MRPS25: variants seen among roughly 807,000 people sequenced by gnomAD.
MRPS25 encodes the protein mitochondrial ribosomal protein S25.
A neutral mutation model predicts 17.3 loss-of-function variants in MRPS25; 15 were observed. The ratio of observed to expected loss-of-function variants is 0.87; its 90% CI spans 0.58 to 1.34. The LOEUF (loss-of-function observed/expected upper bound fraction) is 1.34, where lower values mean the gene tolerates loss of function less well. Ranked by LOEUF, MRPS25 falls within the 40% of genes most tolerant of loss-of-function variation. The pLI, the probability that MRPS25 is intolerant of heterozygous loss-of-function variation, is 0.00. For missense variants in MRPS25, 225 were observed against 218.6 expected (o/e 1.03, Z -0.19); for synonymous variants, 94 against 83.3 (o/e 1.13, Z -0.70).
rs140429777 is a variant in MRPS25 at position 15,051,285 on chromosome 3, G to A, written c.*1156C>T. The A allele has an allele frequency of 5.9e-4, 436 of 734,152 alleles. 1 individual carries two copies. The African/African-American group carries it at 7.4e-3, about 12-fold the overall frequency. 45.5% of individuals were successfully genotyped at this position (734,152 alleles called of 1,614,324 possible). ...ACTGCAGCCTTGATCTCGCAGGCTC[G>A]AGATCCTCCCACCTCAGCTTCCCAA... On this transcript the variant is annotated 3_prime_UTR_variant, in exon 4 of 4. Coordinates refer to ENST00000253686, the MANE Select transcript of MRPS25 (RefSeq NM_022497.5).
intron 2 of MRPS25, among the ~76,000 whole-genome samples, chr3:15,058,246 G>C (rs1037522692): frequency 1.6e-4 from 25 of 152,030 alleles, no homozygotes; most frequent in Non-Finnish European, 1.5e-5. Flanking sequence ...CTGGAGTGCA[G>C]TGGCGCGATC....
chr3:15,050,391 G>A lies in MRPS25; in HGVS notation c.*2050C>T. ...CTAGAGAATGGTCACCACTCCTTTT[G>A]GTTCAGGACATTCCTGCTGGTTAGC... is the stretch of plus-strand genomic sequence containing the variant. On this transcript the variant is annotated 3_prime_UTR_variant, in exon 4 of 4. Coordinates refer to ENST00000253686, the MANE Select transcript of MRPS25 (RefSeq NM_022497.5). The A allele has an allele frequency of 6.9e-6, 7 of 1,013,894 alleles. No individual in the cohort carries two copies. Among genetic ancestry groups the A allele is most frequent in the Non-Finnish European group, 8.2e-6 (7 of 849,938 alleles). The allele number at this position is 1,013,894 out of a possible 1,614,324, so 62.8% of individuals were successfully genotyped here.
At chr3:15,047,820 T>C (rs991286270), downstream of MRPS25, 3 of 152,240 alleles carry the variant, frequency 2.0e-5, no homozygotes, top group African/African-American at 4.8e-5. Context: ...AGCATGTAAA[T>C]GACTTTAACT....
Position 15,051,693 on chromosome 3 carries a change from C to A in MRPS25, c.*748G>T, listed in dbSNP as rs997164978. The A allele has an allele frequency of 4.1e-6, 4 of 985,812 alleles. No individual in the cohort carries two copies. Among genetic ancestry groups the A allele is most frequent in the Admixed American group, 6.1e-5 (1 of 16,294 alleles). 61.1% of individuals were successfully genotyped at this position (985,812 alleles called of 1,614,324 possible). A position where few individuals can be genotyped will look rare whatever the true frequency, so the allele number is the denominator to read the frequency against. ...AGAGCCAGCTATAGACACCATCCCC[C>A]CAGCAGGGCCCCAATGTCTCCACTA... is the stretch of plus-strand genomic sequence containing the variant. On this transcript the variant is annotated 3_prime_UTR_variant, in exon 4 of 4. Coordinates refer to ENST00000253686, the MANE Select transcript of MRPS25 (RefSeq NM_022497.5).
At chr3:15,054,437 G>A (rs879772947) in intron 2 of MRPS25, among the ~76,000 whole-genome samples, 29 of 151,716 alleles carry the variant, frequency 1.9e-4, no homozygotes, top group Non-Finnish European at 2.5e-4. Context: ...AAAACTCCAG[G>A]AGGCTGAGGC....
At position 15,051,966 on chromosome 3, in the gene MRPS25, C is replaced by T. The variant is rs377235136; in HGVS notation, c.*475G>A. On this transcript the variant is annotated 3_prime_UTR_variant, in exon 4 of 4. Coordinates refer to ENST00000253686, the MANE Select transcript of MRPS25 (RefSeq NM_022497.5). Reference sequence around the variant, plus strand: ...GCCTTTGGATTTCTGAAAAATACCCCCAAGGAACTGAACGGAGGGGTGTAC... The same window carrying T: ...GCCTTTGGATTTCTGAAAAATACCCTCAAGGAACTGAACGGAGGGGTGTAC... 7.4e-5 allele frequency: 73 copies of T among 986,650 alleles called. No individual in the cohort carries two copies. In the Middle Eastern group the frequency reaches 1.6e-3, roughly 21 times the overall value. 61.1% of individuals were successfully genotyped at this position (986,650 alleles called of 1,614,324 possible).
downstream of MRPS25, chr3:15,046,153 A>G (rs1231268493): frequency 6.6e-6 from 1 of 152,172 alleles, no homozygotes; most frequent in African/African-American, 2.4e-5. Flanking sequence ...GAGGAGTTAC[A>G]TTTATTGTCT....
At chr3:15,062,018 G>A (rs1433463803) in intron 1 of MRPS25, among the ~76,000 whole-genome samples, 35 of 149,586 alleles carry the variant, frequency 2.3e-4, no homozygotes, top group East Asian at 4.0e-4. Flanking sequence ...GTCTCCGCCC[G>A]GCAGCCGCCC....
At chr3:15,042,795 TCAAA>T (rs770621667), downstream of MRPS25, 32 of 1,593,190 alleles carry the variant, frequency 2.0e-5, no homozygotes, top group African/African-American at 2.7e-4. Flanking sequence ...TTGAAGGGCA[TCAAA>T]CAGTCTCCTT....
chr3:15,062,938 G>A (rs1217399079), intron 1 of MRPS25, among the ~76,000 whole-genome samples: 1 of 151,372 alleles, frequency 6.6e-6, no homozygotes, highest in African/African-American at 2.4e-5. Flanking sequence ...CTCTGCCTAG[G>A]AAAACCAGAG....
intron 2 of MRPS25, among the ~76,000 whole-genome samples, chr3:15,057,132 T>G (rs1349008191): frequency 1.3e-5 from 2 of 152,214 alleles, no homozygotes; most frequent in African/African-American, 4.8e-5. Flanking sequence ...GACAGCCCTG[T>G]GGAGTACTGC....
Position 15,051,575 on chromosome 3 carries a change from A to T in MRPS25, c.*866T>A. The T allele has an allele frequency of 1.0e-6, 1 of 985,420 alleles. No individual in the cohort carries two copies. Among genetic ancestry groups the T allele is most frequent in the Non-Finnish European group, 1.2e-6 (1 of 829,922 alleles). 61.0% of individuals were successfully genotyped at this position (985,420 alleles called of 1,614,324 possible). ...TTAGCATAACTAAAGTGACAGTAAC[A>T]TCAGTGTCCTATGAGGAAAGAACAA... On this transcript the variant is annotated 3_prime_UTR_variant, in exon 4 of 4. Transcript: ENST00000253686.
rs2042581391 is a variant in MRPS25 at position 15,050,110 on chromosome 3, A to T, written c.*2331T>A. Reference sequence around the variant, plus strand: ...TCACTACTAAACAAAATAGGGAAAGACAAAGGTTTAAAGAGAAACTATCCA... The same window carrying T: ...TCACTACTAAACAAAATAGGGAAAGTCAAAGGTTTAAAGAGAAACTATCCA... On this transcript the variant is annotated 3_prime_UTR_variant, in exon 4 of 4. Coordinates refer to ENST00000253686, the MANE Select transcript of MRPS25 (RefSeq NM_022497.5). The T allele has an allele frequency of 7.2e-7, 1 of 1,389,920 alleles. No homozygotes were observed. The highest frequency in any genetic ancestry group is 9.2e-7 in the Non-Finnish European group (1 of 1,084,962). 86.1% of individuals were successfully genotyped at this position (1,389,920 alleles called of 1,614,324 possible).
chr3:15,046,620 T>C (rs1244336037), downstream of MRPS25: 3 of 152,284 alleles, frequency 2.0e-5, no homozygotes, highest in Non-Finnish European at 2.9e-5. Flanking sequence ...CCTGATCTCA[T>C]TGGAGTCCAG....
Position 15,050,561 on chromosome 3 carries a change from G to GT in MRPS25, c.*1879dup. On this transcript the variant is annotated 3_prime_UTR_variant, in exon 4 of 4. Coordinates refer to ENST00000253686, the MANE Select transcript of MRPS25 (RefSeq NM_022497.5). ...GCAGCCAAGTAGAACGCCCAGGCAGGTGGTATCAAGGTCAAGACTTCAGTC... is the reference window on the plus strand; with the variant it reads ...GCAGCCAAGTAGAACGCCCAGGCAGGTTGGTATCAAGGTCAAGACTTCAGTC... 1 of 985,526 alleles carries GT rather than the reference G, an allele frequency of 1.0e-6. No homozygotes were observed. The highest frequency in any genetic ancestry group is 1.7e-5 in the African/African-American group (1 of 57,332). The allele number at this position is 985,526 out of a possible 1,614,324, so 61.0% of individuals were successfully genotyped here.
rs1259176271 is a variant in MRPS25, at chr3:15,065,133, A to T, written c.62T>A (p.Val21Glu). 6.2e-7 allele frequency: 1 copy of T among 1,609,220 alleles called. No individual in the cohort carries two copies. Among genetic ancestry groups the T allele is most frequent in the Non-Finnish European group, 8.5e-7 (1 of 1,178,004 alleles). The change falls in exon 1 of 4, where the codon GTG becomes GAG. Residue 21 changes from valine to glutamate, a missense_variant. Coordinates refer to ENST00000253686, the MANE Select transcript of MRPS25 (RefSeq NM_022497.5). ...GACCTTCACGGAGTCCTTGAACACC[A>T]CGTTCCCCTGGCTCAGATATTGCAG... is the stretch of plus-strand genomic sequence containing the variant. ...RTLQYLSQGNVVFKDSVKVMT... is the reference protein window; with the variant it reads ...RTLQYLSQGNEVFKDSVKVMT...
At position 15,051,568 on chromosome 3, in the gene MRPS25, C is replaced by A; in HGVS notation, c.*873G>T. The A allele has an allele frequency of 1.0e-6, 1 of 985,384 alleles. No individual in the cohort carries two copies. Among genetic ancestry groups the A allele is most frequent in the African/African-American group, 1.7e-5 (1 of 57,328 alleles). The allele number at this position is 985,384 out of a possible 1,614,324, so 61.0% of individuals were successfully genotyped here. On this transcript the variant is annotated 3_prime_UTR_variant, in exon 4 of 4. Coordinates refer to ENST00000253686, the MANE Select transcript of MRPS25 (RefSeq NM_022497.5). ...CTCCACTTTAGCATAACTAAAGTGACAGTAACATCAGTGTCCTATGAGGAA... is the reference window on the plus strand; with the variant it reads ...CTCCACTTTAGCATAACTAAAGTGAAAGTAACATCAGTGTCCTATGAGGAA...
chr3:15,053,625 C>T (rs1294117069), intron 2 of MRPS25, 158 bp from the exon 3 acceptor site: 12 of 846,214 alleles, frequency 1.4e-5, no homozygotes, highest in Non-Finnish European at 2.1e-5. Context: ...CTTCCTTTTT[C>T]CATTTTTCTT....
At chr3:15,063,138 TC>T (rs1398661837) in intron 1 of MRPS25, among the ~76,000 whole-genome samples, 1 of 152,014 alleles carries the variant, frequency 6.6e-6, no homozygotes, top group African/African-American at 2.4e-5. Context: ...CACCTGACTC[TC>T]CAACCCCAGA....
Sources: allele counts gnomAD v4.1 joint callset (sites outside exome capture counted in the v4.1 genomes callset), GRCh38; gene constraint gnomAD v4.1.1; transcripts MANE v1.5; gene names NCBI Gene and HGNC (gene_info 2026-07-23, HGNC 2026-07-21).